NAV3: variants seen among roughly 807,000 people sequenced by gnomAD.
NAV3 encodes pore membrane and/or filament interacting like protein 1.
NAV3 carries 87 observed loss-of-function variants against 244.7 expected under a neutral mutation model. The observed-to-expected ratio is 0.36, with a 90% CI of 0.30 to 0.42. The LOEUF (loss-of-function observed/expected upper bound fraction) is 0.42. Among genes scored for constraint, NAV3 ranks in the 20% least tolerant of loss-of-function variants. NAV3 has a pLI of 1.00. For missense variants in NAV3, 2,663 were observed against 2,893.3 expected (o/e 0.92, Z 1.83); for synonymous variants, 1,126 against 1,042.2 (o/e 1.08, Z -1.55).
At chr12:77,968,823 A>C (rs1379470281) in intron 5 of NAV3, 121 bp downstream of exon 5, 5 of 943,464 alleles carry the variant, frequency 5.3e-6, no homozygotes, top group Non-Finnish European at 7.8e-6. Context: ...GTGTGATGGG[A>C]TTATTTGACT....
intron 2 of NAV3, among the ~76,000 whole-genome samples, chr12:77,660,190 C>G (rs1226494931): frequency 6.6e-6 from 1 of 151,832 alleles, no homozygotes; most frequent in Non-Finnish European, 1.5e-5. Context: ...TCAGAAATTA[C>G]TTATAGTGGG....
chr12:77,904,571 C>T (rs1032160650), intron 1 of NAV3, among the ~76,000 whole-genome samples: 1 of 151,976 alleles, frequency 6.6e-6, no homozygotes, highest in African/African-American at 2.4e-5. Flanking sequence ...TGCAGCACAC[C>T]AACATGGCAC....
At chr12:77,762,600 T>G (rs1457242499) in intron 2 of NAV3, among the ~76,000 whole-genome samples, 2 of 150,878 alleles carry the variant, frequency 1.3e-5, no homozygotes, top group Non-Finnish European at 3.0e-5. Flanking sequence ...AGACTCCGCC[T>G]CAAAAAAGAA....
At chr12:78,163,822 C>T (rs1565745586) in intron 23 of NAV3, among the ~76,000 whole-genome samples, 1 of 152,010 alleles carries the variant, frequency 6.6e-6, no homozygotes, top group Non-Finnish European at 1.5e-5. Flanking sequence ...AGAATTTTAT[C>T]CTGATTTCAG....
chr12:77,812,046 T>C (rs1221937687), intron 2 of NAV3, among the ~76,000 whole-genome samples: 1 of 152,320 alleles, frequency 6.6e-6, no homozygotes, highest in Admixed American at 6.5e-5. Context: ...ATAATTTTAT[T>C]CTATTCTTCT....
chr12:77,778,472 C>A (rs538357467), intron 2 of NAV3, among the ~76,000 whole-genome samples: 1 of 151,700 alleles, frequency 6.6e-6, no homozygotes, highest in Non-Finnish European at 1.5e-5. Flanking sequence ...ATTAGCCAGG[C>A]ATGGTGGCGG....
At chr12:78,177,489 T>A in intron 27 of NAV3, 131 bp from the exon 28 acceptor site, 1 of 1,146,012 alleles carries the variant, frequency 8.7e-7, no homozygotes, top group Non-Finnish European at 1.2e-6. Flanking sequence ...TCATTTTCAT[T>A]TTTCTTTTTC....
rs1958172926 is a variant in NAV3 at position 78,175,290 on chromosome 12, C to A, written c.4982-16C>A. ...ACTCTTCATGAGCCGATGTGATACT[C>A]TCCCTCTATTGCTAGATCTTCGCAT... On this transcript the variant is annotated splice_polypyrimidine_tract_variant and intron_variant, in intron 24 of 39. Coordinates refer to ENST00000397909, the MANE Select transcript of NAV3 (RefSeq NM_001024383.2). 6.2e-7 allele frequency: 1 copy of A among 1,609,158 alleles called. No individual in the cohort carries two copies. The highest frequency in any genetic ancestry group is 8.5e-7 in the Non-Finnish European group (1 of 1,177,034).
chr12:77,772,768 T>C (rs759366319), intron 2 of NAV3, among the ~76,000 whole-genome samples: 1 of 152,198 alleles, frequency 6.6e-6, no homozygotes, highest in Non-Finnish European at 1.5e-5. Context: ...GTTGAATTTT[T>C]ACTGCGGTTT....
intron 1 of NAV3, among the ~76,000 whole-genome samples, chr12:77,861,986 A>G (rs1243922142): frequency 6.6e-6 from 1 of 151,804 alleles, no homozygotes; most frequent in East Asian, 1.9e-4. Flanking sequence ...TACTATCGAA[A>G]GTCAAGAAGG....
At chr12:77,991,766 C>T (rs1379253935) in intron 5 of NAV3, among the ~76,000 whole-genome samples, 2 of 152,198 alleles carry the variant, frequency 1.3e-5, no homozygotes, top group African/African-American at 4.8e-5. Context: ...GGTGCAGTGT[C>T]TCACACTTGT....
At chr12:77,615,298 A>G (rs576632618) in intron 2 of NAV3, among the ~76,000 whole-genome samples, 25 of 152,188 alleles carry the variant, frequency 1.6e-4, no homozygotes, top group Admixed American at 3.9e-4. Context: ...GGTTTGTTAC[A>G]TGGGTAAACT....
chr12:78,048,130 T>G (rs1315203239), intron 9 of NAV3, among the ~76,000 whole-genome samples: 1 of 152,172 alleles, frequency 6.6e-6, no homozygotes, highest in Non-Finnish European at 1.5e-5. Context: ...TTTTCAAGGT[T>G]CTTAGCTTCC....
chr12:77,610,578 A>G (rs575475889), intron 2 of NAV3, among the ~76,000 whole-genome samples: 91 of 152,210 alleles, frequency 6.0e-4, no homozygotes, highest in African/African-American at 2.0e-3. Flanking sequence ...CTGGTTGCAC[A>G]CAGATAGACG....
chr12:77,814,652 C>T (rs1247381954), intron 2 of NAV3, among the ~76,000 whole-genome samples: 1 of 152,042 alleles, frequency 6.6e-6, no homozygotes, highest in Non-Finnish European at 1.5e-5. Flanking sequence ...ATAGCACAGG[C>T]CTACTTTCGT....
chr12:77,795,733 A>C (rs1159857503), intron 2 of NAV3, among the ~76,000 whole-genome samples: 2 of 152,166 alleles, frequency 1.3e-5, no homozygotes, highest in African/African-American at 4.8e-5. Flanking sequence ...TGATGAGTTT[A>C]AGTTGAAGTC....
chr12:78,193,588 G>GA (rs1450096823), intron 34 of NAV3, among the ~76,000 whole-genome samples: 4 of 152,002 alleles, frequency 2.6e-5, no homozygotes, highest in Non-Finnish European at 4.4e-5. Context: ...ACTAGATCTG[G>GA]AAAAAAGACT....
At chr12:78,154,243 T>TTATATATTACTATATAATATATAG (rs967327962) in intron 22 of NAV3, among the ~76,000 whole-genome samples, 1,055 of 71,962 alleles carry the variant, frequency 0.015, 19 homozygotes, top group African/African-American at 0.042. Context: ...ACCTATATAT[T>TTATATATTACTATATAATATATAG]TATATATTAC....
intron 12 of NAV3, among the ~76,000 whole-genome samples, chr12:78,111,882 G>A (rs578222820): frequency 5.2e-4 from 79 of 152,192 alleles, no homozygotes; most frequent in African/African-American, 1.9e-3. Flanking sequence ...GATACTGTAT[G>A]CATTGTTCAA....
Sources: allele counts gnomAD v4.1 joint callset (sites outside exome capture counted in the v4.1 genomes callset), GRCh38; gene constraint gnomAD v4.1.1; transcripts MANE v1.5; gene names NCBI Gene and HGNC (gene_info 2026-07-23, HGNC 2026-07-21).